C21orf91: variants seen among roughly 807,000 people sequenced by gnomAD.
C21orf91 encodes protein EURL homolog.
In C21orf91, 26 loss-of-function variants were observed where a neutral mutation model predicts 32.9. That is an observed-to-expected ratio of 0.79 (90% confidence interval 0.58 to 1.10). C21orf91 has a LOEUF of 1.10. C21orf91 is among the 50% of genes least tolerant of loss of function. The pLI, the probability that C21orf91 is intolerant of heterozygous loss-of-function variation, is 0.00. For synonymous variants in C21orf91, 126 were observed against 120.4 expected (o/e 1.05, Z -0.31); for missense variants, 310 against 341.3 (o/e 0.91, Z 0.72).
chr21:17,798,347 A>G (rs1201459139), intron 2 of C21orf91, among the ~76,000 whole-genome samples: 1 of 152,224 alleles, frequency 6.6e-6, no homozygotes, highest in Non-Finnish European at 1.5e-5. Context: ...TTTTAAAAAT[A>G]TATATAGTAT....
At chr21:17,798,963 TACCC>T (rs898804970) in intron 2 of C21orf91, among the ~76,000 whole-genome samples, 1 of 152,184 alleles carries the variant, frequency 6.6e-6, no homozygotes, top group African/African-American at 2.4e-5. Context: ...AGAGCTCCCC[TACCC>T]TCTGCAAACT....
At chr21:17,814,475 AC>A (rs2146263508) in intron 2 of C21orf91, among the ~76,000 whole-genome samples, 1 of 152,304 alleles carries the variant, frequency 6.6e-6, no homozygotes, top group African/African-American at 2.4e-5. Flanking sequence ...ATAAAGAAAT[AC>A]CTGAGACAGG....
In C21orf91 at chr21:17,789,869, T is replaced by C. The variant is rs889439047; in HGVS notation, c.*3546A>G. The C allele has an allele frequency of 1.3e-5, 2 of 152,120 alleles. No individual in the cohort carries two copies. The highest frequency in any genetic ancestry group is 2.4e-5 in the African/African-American group (1 of 41,434). 9.4% of individuals were successfully genotyped at this position (152,120 alleles called of 1,614,324 possible). On this transcript the variant is annotated 3_prime_UTR_variant, in exon 5 of 5. Coordinates refer to ENST00000284881, the MANE Select transcript of C21orf91 (RefSeq NM_001100420.2). The stretch of plus-strand genomic sequence containing the variant: ...AATAAACTGTTGGGGGTTTTATCTC[T>C]TACTAATTCTCACCACAAATTTCCT...
chr21:17,806,939 G>A (rs780513921), intron 2 of C21orf91, among the ~76,000 whole-genome samples: 5 of 152,002 alleles, frequency 3.3e-5, no homozygotes, highest in Non-Finnish European at 7.4e-5. Context: ...AATTAAGCTG[G>A]TCTATATTCA....
chr21:17,817,887 A>T (rs1004761089), intron 2 of C21orf91: 3 of 219,244 alleles, frequency 1.4e-5, no homozygotes, highest in Non-Finnish European at 2.7e-5. Context: ...GGTCTGTTAA[A>T]ATCTGACAAT....
chr21:17,802,049 T>C (rs909636061), intron 2 of C21orf91, among the ~76,000 whole-genome samples: 1 of 152,220 alleles, frequency 6.6e-6, no homozygotes, highest in Non-Finnish European at 1.5e-5. Context: ...TATCCCCATC[T>C]CTATCCTTTA....
In C21orf91 at chr21:17,811,950, T is replaced by C. The variant is rs1000316211; in HGVS notation, c.127+6242A>G. ...TTATGAACATATATATACTCCTCTG[T>C]TGCAGAGGAAATATCCTCACAACCA... is the stretch of plus-strand genomic sequence containing the variant. On this transcript the variant is annotated intron_variant, in intron 2 of 4. Coordinates refer to ENST00000284881, the MANE Select transcript of C21orf91 (RefSeq NM_001100420.2). Among the ~76,000 whole-genome samples, 3 of 152,226 alleles carry C rather than the reference T, an allele frequency of 2.0e-5. No homozygotes were observed. The East Asian group carries it at 5.8e-4, about 29-fold the overall frequency.
chr21:17,810,495 G>T (rs1013464237), intron 2 of C21orf91: 11 of 152,188 alleles, frequency 7.2e-5, no homozygotes, highest in African/African-American at 2.7e-4. Flanking sequence ...TTTCTCTCAG[G>T]TTGTCCCAGC....
Position 17,793,326 on chromosome 21 carries a change from A to T in C21orf91, c.*89T>A. 1 of 1,008,016 alleles carries T rather than the reference A, an allele frequency of 9.9e-7. No individual in the cohort carries two copies. Among genetic ancestry groups the T allele is most frequent in the Non-Finnish European group, 1.4e-6 (1 of 716,686 alleles). 62.4% of individuals were successfully genotyped at this position (1,008,016 alleles called of 1,614,324 possible). A position where few individuals can be genotyped will look rare whatever the true frequency, so the allele number is the denominator to read the frequency against. On this transcript the variant is annotated 3_prime_UTR_variant, in exon 5 of 5. Transcript: ENST00000284881. ...TGGCAAATTTAATGACCATAAAAAAACGGACCACAACTTTCTTCAAACTTC... is the reference window on the plus strand; with the variant it reads ...TGGCAAATTTAATGACCATAAAAAATCGGACCACAACTTTCTTCAAACTTC...
chr21:17,810,320 T>C (rs899012804), intron 2 of C21orf91, among the ~76,000 whole-genome samples: 3 of 152,234 alleles, frequency 2.0e-5, no homozygotes, highest in Admixed American at 6.5e-5. Flanking sequence ...GTAATAAACA[T>C]GGAAAAATTT....
intron 2 of C21orf91, among the ~76,000 whole-genome samples, chr21:17,799,551 T>G (rs537585570): frequency 3.7e-4 from 57 of 152,258 alleles, no homozygotes; most frequent in African/African-American, 1.4e-3. Flanking sequence ...ATCTAGCACC[T>G]ACAACATCTG....
chr21:17,797,203 CA>C (rs891500621), intron 2 of C21orf91, 85 bp from the exon 3 acceptor site: 3 of 826,772 alleles, frequency 3.6e-6, no homozygotes, highest in Non-Finnish European at 3.8e-6. Context: ...TTAGTAAAAT[CA>C]GAGTCCCTGA....
intron 2 of C21orf91, among the ~76,000 whole-genome samples, chr21:17,814,861 C>T (rs2062655532): frequency 1.3e-5 from 2 of 152,252 alleles, no homozygotes; most frequent in South Asian, 4.1e-4. Context: ...CAAACCATAT[C>T]AAATGGTGAA....
In C21orf91 at chr21:17,791,558, T is replaced by C. The variant is rs1260790337; in HGVS notation, c.*1857A>G. 1 of 152,176 alleles carries C rather than the reference T, an allele frequency of 6.6e-6. No individual in the cohort carries two copies. Among genetic ancestry groups the C allele is most frequent in the Non-Finnish European group, 1.5e-5 (1 of 67,988 alleles). The allele number at this position is 152,176 out of a possible 1,614,324, so 9.4% of individuals were successfully genotyped here. On this transcript the variant is annotated 3_prime_UTR_variant, in exon 5 of 5. Coordinates refer to ENST00000284881, the MANE Select transcript of C21orf91 (RefSeq NM_001100420.2). ...ACTCATCTAAACACAAACCCAAATG[T>C]GTGCAAACACACTGGCTGGTAACAA...
At chr21:17,809,327 T>A (rs572862899) in intron 2 of C21orf91, among the ~76,000 whole-genome samples, 1 of 152,368 alleles carries the variant, frequency 6.6e-6, no homozygotes, top group East Asian at 1.9e-4. Flanking sequence ...TATTTTCTAC[T>A]GTCTAAAATA....
intron 2 of C21orf91, among the ~76,000 whole-genome samples, chr21:17,811,934 T>C (rs900586118): frequency 6.6e-6 from 1 of 152,170 alleles, no homozygotes; most frequent in Non-Finnish European, 1.5e-5. Flanking sequence ...ATTATGAACA[T>C]ATATATACTC....
chr21:17,796,601 T>C lies in C21orf91; in HGVS notation c.645A>G (p.Pro215=), dbSNP rs200770394. 1.2e-3 allele frequency: 1,970 copies of C among 1,612,512 alleles called. 5 individuals are homozygous for C. The highest frequency in any genetic ancestry group is 1.5e-3 in the Non-Finnish European group (1,816 of 1,179,070). The change falls in exon 3 of 5, where the codon CCA becomes CCG. Residue 215 remains proline (P), a synonymous_variant. Transcript: ENST00000284881. ...SPEANVQTQH[P]HYSREELNSM... ...ACTTACATTCCTCTCTGCTGTAATG[T>C]GGATGCTGGGTCTGGACATTAGCCT...
Position 17,795,768 on chromosome 21 carries a change from T to C in C21orf91, c.665-498A>G, listed in dbSNP as rs562973286. On this transcript the variant is annotated intron_variant, in intron 3 of 4. Transcript: ENST00000284881. The stretch of plus-strand genomic sequence containing the variant: ...GATTATAGGTGTGAGCCACTGTGCC[T>C]GGCCAGAAACATATTTTTTATCACT... Among the ~76,000 whole-genome samples the C allele has an allele frequency of 5.9e-5, 9 of 152,292 alleles. No homozygotes were observed. The South Asian group carries it at 1.9e-3, about 32-fold the overall frequency.
intron 2 of C21orf91, among the ~76,000 whole-genome samples, chr21:17,816,271 G>A (rs1171622469): frequency 6.6e-6 from 1 of 152,168 alleles, no homozygotes; most frequent in Non-Finnish European, 1.5e-5. Flanking sequence ...TTAAGAGATG[G>A]TACCTAAGGT....
Sources: allele counts gnomAD v4.1 joint callset (sites outside exome capture counted in the v4.1 genomes callset), GRCh38; gene constraint gnomAD v4.1.1; transcripts MANE v1.5; gene names NCBI Gene and HGNC (gene_info 2026-07-23, HGNC 2026-07-21).